MDGA2: variants seen among roughly 807,000 people sequenced by gnomAD.
MDGA2 encodes MAM domain-containing glycosylphosphatidylinositol anchor protein 2.
MDGA2 carries 40 observed loss-of-function variants against 117.8 expected under a neutral mutation model. The ratio of observed to expected loss-of-function variants is 0.34; its 90% CI spans 0.26 to 0.44. MDGA2 has a LOEUF of 0.44. MDGA2 is among the 20% of genes least tolerant of loss of function. The pLI is 1.00. For missense variants in MDGA2, 1,123 were observed against 1,250.6 expected (o/e 0.90, Z 1.54); for synonymous variants, 452 against 439.0 (o/e 1.03, Z -0.37).
intron 1 of MDGA2, among the ~76,000 whole-genome samples, chr14:47,494,478 T>A (rs553202778): frequency 1.8e-4 from 27 of 152,212 alleles, no homozygotes; most frequent in Non-Finnish European, 3.5e-4. Context: ...TCCCATTCTT[T>A]AGGTTGTCTG....
At chr14:47,630,199 CACA>C (rs947621106) in intron 1 of MDGA2, among the ~76,000 whole-genome samples, 1 of 151,914 alleles carries the variant, frequency 6.6e-6, no homozygotes, top group African/African-American at 2.4e-5. Context: ...ATAAAATGAA[CACA>C]TAGACAAAAG....
At chr14:47,088,003 G>A (rs1218887918) in intron 6 of MDGA2, among the ~76,000 whole-genome samples, 1 of 151,830 alleles carries the variant, frequency 6.6e-6, no homozygotes, top group East Asian at 1.9e-4. Flanking sequence ...TTACTAAGTA[G>A]GAAAATTTAA....
At chr14:47,455,054 T>C (rs1020737266) in intron 1 of MDGA2, among the ~76,000 whole-genome samples, 1 of 152,174 alleles carries the variant, frequency 6.6e-6, no homozygotes, top group Admixed American at 6.5e-5. Flanking sequence ...GAGAAAACAA[T>C]ATCATGCAAT....
At chr14:46,982,652 T>C (rs1886716922) in intron 8 of MDGA2, among the ~76,000 whole-genome samples, 1 of 121,954 alleles carries the variant, frequency 8.2e-6, no homozygotes, top group Non-Finnish European at 1.6e-5. Flanking sequence ...GAGGTTGCAA[T>C]GAGCCGAGAT....
intron 8 of MDGA2, among the ~76,000 whole-genome samples, chr14:46,986,580 C>T (rs1886867130): frequency 1.3e-5 from 2 of 152,058 alleles, no homozygotes; most frequent in South Asian, 4.1e-4. Context: ...CTGCTGGATT[C>T]CAGATAGTCT....
intron 1 of MDGA2, among the ~76,000 whole-genome samples, chr14:47,366,125 C>T (rs1379809924): frequency 6.6e-6 from 1 of 152,042 alleles, no homozygotes; most frequent in Non-Finnish European, 1.5e-5. Context: ...TCTATTCTTC[C>T]CACAGGGCAA....
chr14:47,494,967 T>C (rs1334789636), intron 1 of MDGA2, among the ~76,000 whole-genome samples: 2 of 151,600 alleles, frequency 1.3e-5, no homozygotes, highest in East Asian at 3.9e-4. Flanking sequence ...ACACGTCACA[T>C]TTTCACATTT....
chr14:47,005,998 A>C (rs1285269205), intron 8 of MDGA2, among the ~76,000 whole-genome samples: 1 of 151,546 alleles, frequency 6.6e-6, no homozygotes, highest in African/African-American at 2.4e-5. Flanking sequence ...TACACTTTTC[A>C]GAATGTTTTC....
At chr14:47,477,825 C>T (rs571959124) in intron 1 of MDGA2, among the ~76,000 whole-genome samples, 5 of 152,156 alleles carry the variant, frequency 3.3e-5, no homozygotes, top group Non-Finnish European at 7.3e-5. Context: ...CAGAGAGATT[C>T]CCACTTACAT....
intron 3 of MDGA2, among the ~76,000 whole-genome samples, chr14:47,211,864 G>C (rs1158652413): frequency 6.6e-6 from 1 of 152,148 alleles, no homozygotes; most frequent in Admixed American, 6.5e-5. Context: ...TCACTGTTGT[G>C]TGGCATAATT....
At chr14:47,370,305 C>T (rs1406112898) in intron 1 of MDGA2, among the ~76,000 whole-genome samples, 2 of 13,994 alleles carry the variant, frequency 1.4e-4, no homozygotes, top group African/African-American at 5.8e-4. Context: ...AAAAACAATG[C>T]TTTGAATAAA....
chr14:47,556,672 CA>C, intron 1 of MDGA2, among the ~76,000 whole-genome samples: 1 of 152,158 alleles, frequency 6.6e-6, no homozygotes, highest in East Asian at 1.9e-4. Context: ...GTTGCAACTT[CA>C]TACAGTTATT....
chr14:47,330,255 A>G (rs1193660096), intron 1 of MDGA2, among the ~76,000 whole-genome samples: 2 of 151,960 alleles, frequency 1.3e-5, no homozygotes, highest in African/African-American at 4.8e-5. Flanking sequence ...ACCTAGATCT[A>G]AAGCTGATAC....
At chr14:47,649,706 A>AAAACG (rs1555339238) in intron 1 of MDGA2, among the ~76,000 whole-genome samples, 1 of 151,678 alleles carries the variant, frequency 6.6e-6, no homozygotes, top group Non-Finnish European at 1.5e-5. Flanking sequence ...AAAACAAAAC[A>AAAACG]AAACAAAAAA....
chr14:47,371,294 T>A (rs1029107014), intron 1 of MDGA2, among the ~76,000 whole-genome samples: 1 of 151,776 alleles, frequency 6.6e-6, no homozygotes, highest in African/African-American at 2.4e-5. Context: ...ACCGAAAGAA[T>A]TTTTAAGTTT....
chr14:47,143,426 C>T (rs955207127), intron 4 of MDGA2, among the ~76,000 whole-genome samples: 2 of 152,014 alleles, frequency 1.3e-5, no homozygotes, highest in Non-Finnish European at 2.9e-5. Flanking sequence ...TGCAAATATT[C>T]CCACGAATTT....
intron 1 of MDGA2, among the ~76,000 whole-genome samples, chr14:47,506,268 T>C (rs1369271500): frequency 3.3e-5 from 5 of 151,996 alleles, no homozygotes; most frequent in Admixed American, 6.6e-5. Flanking sequence ...AAAATAAATA[T>C]GAAAAAATGG....
intron 3 of MDGA2, among the ~76,000 whole-genome samples, chr14:47,168,237 T>TTC (rs1286348529): frequency 2.9e-4 from 43 of 147,236 alleles, no homozygotes; most frequent in African/African-American, 9.5e-4. Context: ...CACTTGCTGC[T>TTC]TCTCTCTCTC....
intron 2 of MDGA2, among the ~76,000 whole-genome samples, chr14:47,225,868 T>C (rs1280617241): frequency 6.6e-6 from 1 of 152,108 alleles, no homozygotes; most frequent in Non-Finnish European, 1.5e-5. Context: ...CCCATTTTTC[T>C]AGTATATCCA....
Sources: allele counts gnomAD v4.1 joint callset (sites outside exome capture counted in the v4.1 genomes callset), GRCh38; gene constraint gnomAD v4.1.1; transcripts MANE v1.5; gene names NCBI Gene and HGNC (gene_info 2026-07-23, HGNC 2026-07-21).